The following KLHL28 variants were observed in gnomAD, a reference collection of about 807,000 sequenced individuals.
KLHL28 encodes kelch like family member 28, also known as kelch-like protein 28.
In KLHL28, 22 loss-of-function variants were observed where a neutral mutation model predicts 48.3. That is an observed-to-expected ratio of 0.46 (90% CI 0.33 to 0.65). The LOEUF (loss-of-function observed/expected upper bound fraction) is 0.65, where lower values mean the gene tolerates loss of function less well. Ranked by LOEUF, KLHL28 falls within the 30% of genes least tolerant of loss-of-function variation. The pLI, the probability that KLHL28 is intolerant of heterozygous loss-of-function variation, is 0.03. For synonymous variants in KLHL28, 243 were observed against 242.4 expected, an observed-to-expected ratio of 1.00 and a Z score of -0.02; for missense variants, 527 against 704.3, an observed-to-expected ratio of 0.75 and a Z score of 2.85.
At chr14:44,943,223 A>G (rs1454489305) in intron 2 of KLHL28, among the ~76,000 whole-genome samples, 1 of 152,202 alleles carries the variant, frequency 6.6e-6, no homozygotes, top group East Asian at 1.9e-4. Context: ...TTTTGTCATA[A>G]TATTTACTAA....
chr14:44,961,864 A>C lies in KLHL28; in HGVS notation c.-19T>G, dbSNP rs1885125685. On this transcript the variant is annotated 5_prime_UTR_variant, in exon 1 of 5. Transcript: ENST00000396128. ...AAAATACCTGAGTCTCAGTAATCAC[A>C]CGGGCAGCGACAGGAGGAGGAACCG... 1 of 152,700 alleles carries C rather than the reference A, an allele frequency of 6.5e-6. No individual in the cohort carries two copies. The highest frequency in any genetic ancestry group is 2.1e-4 in the South Asian group (1 of 4,868). 9.5% of individuals were successfully genotyped at this position (152,700 alleles called of 1,614,324 possible).
In KLHL28 at chr14:44,925,082, G is replaced by A. The variant is rs1292610654; in HGVS notation, c.*3946C>T. The A allele has an allele frequency of 6.6e-6, 1 of 152,450 alleles. No homozygotes were observed. The highest frequency in any genetic ancestry group is 2.4e-5 in the African/African-American group (1 of 41,418). The allele number at this position is 152,450 out of a possible 1,614,324, so 9.4% of individuals were successfully genotyped here. ...TCTAATTAAAGTGCTGTTTACAAAG[G>A]GAAAAAAGGTTAAGAAGTAGAACTG... On this transcript the variant is annotated 3_prime_UTR_variant, in exon 5 of 5. Coordinates refer to ENST00000396128, the MANE Select transcript of KLHL28 (RefSeq NM_017658.5).
At chr14:44,951,231 T>G (rs1230273752) in intron 1 of KLHL28, among the ~76,000 whole-genome samples, 1 of 152,136 alleles carries the variant, frequency 6.6e-6, no homozygotes, top group Non-Finnish European at 1.5e-5. Context: ...CATGACACAC[T>G]TGTAGGGGAA....
At chr14:44,961,022 A>C in intron 1 of KLHL28, 2 of 719,724 alleles carry the variant, frequency 2.8e-6, no homozygotes, top group South Asian at 1.7e-5. Context: ...TATCTCTTCC[A>C]CACTCCAAAG....
At chr14:44,932,726 T>C (rs140096970) in intron 3 of KLHL28, among the ~76,000 whole-genome samples, 34 of 152,328 alleles carry the variant, frequency 2.2e-4, no homozygotes, top group African/African-American at 7.7e-4. Context: ...CAGCAAGACT[T>C]TCAAGATAAT....
At position 44,931,295 on chromosome 14, in the gene KLHL28, T is replaced by C. The variant is rs377357016; in HGVS notation, c.1552+38A>G. On this transcript the variant is annotated intron_variant, in intron 4 of 4. Coordinates refer to ENST00000396128, the MANE Select transcript of KLHL28 (RefSeq NM_017658.5). ...TGCAAGCACATCATTATAGAAAACA[T>C]TGCCTTACATGTTTAGAAATTAATA... 8 of 1,351,862 alleles carry C rather than the reference T, an allele frequency of 5.9e-6. No homozygotes were observed. In the East Asian group the frequency reaches 1.2e-4, roughly 20 times the overall value. The allele number at this position is 1,351,862 out of a possible 1,614,324, so 83.7% of individuals were successfully genotyped here.
At chr14:44,930,265 A>G (rs1372201129) in intron 4 of KLHL28, among the ~76,000 whole-genome samples, 1 of 152,164 alleles carries the variant, frequency 6.6e-6, no homozygotes, top group African/African-American at 2.4e-5. Context: ...TACCCAAAAA[A>G]TATGAAATCC....
At chr14:44,934,593 A>G in intron 2 of KLHL28, 35 bp from the exon 3 acceptor site, 1 of 1,460,744 alleles carries the variant, frequency 6.8e-7, no homozygotes, top group Non-Finnish European at 9.2e-7. Context: ...AAAATTTAAA[A>G]ACCAAAGTGG....
rs1883433611 is a variant in KLHL28 at position 44,928,035 on chromosome 14, A to T, written c.*993T>A. 6.6e-6 allele frequency: 1 copy of T among 152,636 alleles called. No homozygotes were observed. 9.5% of individuals were successfully genotyped at this position (152,636 alleles called of 1,614,324 possible). On this transcript the variant is annotated 3_prime_UTR_variant, in exon 5 of 5. Transcript: ENST00000396128. ...ATGCAAAAGACTATCAAAACATGTC[A>T]TGCATATCTCATACTGAACATCCAA...
intron 1 of KLHL28, among the ~76,000 whole-genome samples, chr14:44,957,227 A>T (rs1286758305): frequency 2.6e-5 from 4 of 152,232 alleles, no homozygotes; most frequent in Non-Finnish European, 4.4e-5. Flanking sequence ...ATGAGTTGAT[A>T]ACTATTGAAG....
intron 3 of KLHL28, 89 bp from the exon 4 acceptor site, chr14:44,931,630 AG>A (rs1883592792): frequency 2.2e-6 from 2 of 899,956 alleles, no homozygotes; most frequent in South Asian, 3.3e-5. Context: ...CAGCTTTAAA[AG>A]TTCACATAAT....
At chr14:44,932,403 T>G (rs1457056636) in intron 3 of KLHL28, among the ~76,000 whole-genome samples, 1 of 152,184 alleles carries the variant, frequency 6.6e-6, no homozygotes, top group Non-Finnish European at 1.5e-5. Flanking sequence ...GAGTCAAGAC[T>G]GTGTTTCAGA....
intron 1 of KLHL28, among the ~76,000 whole-genome samples, chr14:44,954,219 G>A (rs1252392663): frequency 6.6e-6 from 1 of 152,128 alleles, no homozygotes; most frequent in East Asian, 1.9e-4. Flanking sequence ...AGGTAAATCT[G>A]TCAAAATACA....
At chr14:44,929,656 C>T (rs1002225723) in intron 4 of KLHL28, among the ~76,000 whole-genome samples, 3 of 152,108 alleles carry the variant, frequency 2.0e-5, no homozygotes, top group Non-Finnish European at 4.4e-5. Context: ...GGGGGGCCTA[C>T]TGGAGCAATA....
At chr14:44,929,545 A>C (rs1364807737) in intron 4 of KLHL28, among the ~76,000 whole-genome samples, 1 of 152,212 alleles carries the variant, frequency 6.6e-6, no homozygotes, top group Non-Finnish European at 1.5e-5. Context: ...ACCTTATCAT[A>C]GATATATATG....
At position 44,945,672 on chromosome 14, in the gene KLHL28, A is replaced by G. The variant is rs1250555958; in HGVS notation, c.257T>C (p.Leu86Pro). 1 of 1,614,202 alleles carries G rather than the reference A, an allele frequency of 6.2e-7. No individual in the cohort carries two copies. The highest frequency in any genetic ancestry group is 1.7e-5 in the Admixed American group (1 of 60,018). The change falls in exon 2 of 5, where the codon CTC becomes CCC. Residue 86 changes from leucine (L) to proline (P), a missense_variant. Coordinates refer to ENST00000396128, the MANE Select transcript of KLHL28 (RefSeq NM_017658.5). ...VEFQCIDETALQAIVEYAYTG... is the reference protein window; with the variant it reads ...VEFQCIDETAPQAIVEYAYTG... ...ATAGGCATACTCCACAATGGCCTGGAGAGCAGTTTCATCAATGCATTGAAA... is the reference window on the plus strand; with the variant it reads ...ATAGGCATACTCCACAATGGCCTGGGGAGCAGTTTCATCAATGCATTGAAA...
intron 4 of KLHL28, among the ~76,000 whole-genome samples, chr14:44,930,172 T>G (rs1883522530): frequency 6.6e-6 from 1 of 152,228 alleles, no homozygotes. Flanking sequence ...ACTAAAACAG[T>G]TCATTTCAGC....
intron 1 of KLHL28, among the ~76,000 whole-genome samples, chr14:44,957,082 C>A (rs1033323414): frequency 6.6e-6 from 1 of 152,124 alleles, no homozygotes; most frequent in Non-Finnish European, 1.5e-5. Context: ...CCTTGGCCTC[C>A]CAAAGAGCTG....
chr14:44,941,982 TA>T (rs1410009314), intron 2 of KLHL28, among the ~76,000 whole-genome samples: 1 of 152,244 alleles, frequency 6.6e-6, no homozygotes, highest in Non-Finnish European at 1.5e-5. Flanking sequence ...TTCATAGTTT[TA>T]ATTCATACCT....
Sources: gnomAD v4.1 joint callset for allele counts (sites outside exome capture counted in the v4.1 genomes callset) on GRCh38, gnomAD v4.1.1 for gene constraint, MANE v1.5 for transcripts, NCBI Gene and HGNC (gene_info 2026-07-23, HGNC 2026-07-21) for gene names.